COG5: variants seen among roughly 807,000 people sequenced by gnomAD.
The protein encoded by COG5 is component of oligomeric golgi complex 5.
A neutral mutation model predicts 110.4 loss-of-function variants in COG5; 86 were observed. The ratio of observed to expected loss-of-function variants is 0.78; its 90% CI spans 0.65 to 0.93. COG5 has a LOEUF of 0.93. COG5 is among the 40% of genes least tolerant of loss of function. The pLI, the probability that COG5 is intolerant of heterozygous loss-of-function variation, is 0.00. For missense variants in COG5, 1,077 were observed against 987.0 expected (o/e 1.09, Z -1.22); for synonymous variants, 360 against 334.6 (o/e 1.08, Z -0.83).
chr7:107,314,526 G>A (rs910473277), intron 11 of COG5, among the ~76,000 whole-genome samples: 6 of 149,458 alleles, frequency 4.0e-5, no homozygotes, highest in Admixed American at 1.3e-4. Context: ...GGCAGATCAC[G>A]AGGTCAGGAG....
Position 107,520,241 on chromosome 7 carries a change from A to G in COG5, c.538+6996T>C, listed in dbSNP as rs532388387. Among the ~76,000 whole-genome samples the G allele has an allele frequency of 1.2e-4, 19 of 152,306 alleles. No homozygotes were observed. In the East Asian group the frequency reaches 3.7e-3, roughly 29 times the overall value. On this transcript the variant is annotated intron_variant, in intron 6 of 21. Transcript: ENST00000297135. The stretch of plus-strand genomic sequence containing the variant: ...TTCCCTTTGAAAACAGGCACAAGAC[A>G]AGGATGCCCTCTCTCACCTCTCCTA...
At chr7:107,558,887 C>CAA (rs1243505305) in intron 1 of COG5, among the ~76,000 whole-genome samples, 7 of 16,584 alleles carry the variant, frequency 4.2e-4, no homozygotes, top group African/African-American at 9.3e-4. Flanking sequence ...GACTCTGTCC[C>CAA]AAAAAAAAAA....
chr7:107,546,725 GA>G (rs1278979044), intron 5 of COG5, among the ~76,000 whole-genome samples: 2 of 151,800 alleles, frequency 1.3e-5, no homozygotes, highest in Non-Finnish European at 2.9e-5. Context: ...AAAATATAAA[GA>G]ATTATAAGAA....
At chr7:107,208,182 GAAGGAC>G in intron 21 of COG5, 1 of 985,384 alleles carries the variant, frequency 1.0e-6, no homozygotes, top group Middle Eastern at 5.2e-4. Flanking sequence ...TTGAAACCCT[GAAGGAC>G]AGCTCAATTT....
At chr7:107,375,925 T>C (rs1229893601) in intron 7 of COG5, among the ~76,000 whole-genome samples, 1 of 152,016 alleles carries the variant, frequency 6.6e-6, no homozygotes, top group East Asian at 1.9e-4. Flanking sequence ...TTCATAAAGT[T>C]ATCCTCCTGA....
At chr7:107,279,028 A>C (rs1804936604) in intron 14 of COG5, among the ~76,000 whole-genome samples, 1 of 152,214 alleles carries the variant, frequency 6.6e-6, no homozygotes, top group Non-Finnish European at 1.5e-5. Context: ...AAAGTTTTGC[A>C]ATCTATCCAT....
At chr7:107,488,028 ATTG>A (rs1797754306) in intron 6 of COG5, among the ~76,000 whole-genome samples, 1 of 152,122 alleles carries the variant, frequency 6.6e-6, no homozygotes, top group Non-Finnish European at 1.5e-5. Context: ...ATGAACATAT[ATTG>A]TTAATGTAAC....
intron 21 of COG5, chr7:107,208,065 G>C: frequency 1.0e-6 from 1 of 985,402 alleles, no homozygotes; most frequent in Non-Finnish European, 1.2e-6. Flanking sequence ...GCTTCAGTAT[G>C]CAAGAACAAA....
chr7:107,408,947 C>G (rs1016004182), intron 7 of COG5, among the ~76,000 whole-genome samples: 1 of 151,664 alleles, frequency 6.6e-6, no homozygotes, highest in African/African-American at 2.4e-5. Context: ...TATAATAAAC[C>G]CCTATCTACT....
At chr7:107,287,988 A>G (rs1805785987) in intron 12 of COG5, among the ~76,000 whole-genome samples, 1 of 152,196 alleles carries the variant, frequency 6.6e-6, no homozygotes, top group Admixed American at 6.5e-5. Flanking sequence ...TTGCATACAA[A>G]TGTCTACGTG....
rs1356726900 is a variant in COG5 at position 107,541,446 on chromosome 7, G to C, written c.417+6665C>G. On this transcript the variant is annotated intron_variant, in intron 5 of 21. Coordinates refer to ENST00000297135, the MANE Select transcript of COG5 (RefSeq NM_006348.5). ...TGGGAGGAAGAGATTGCAGTGGGTT[G>C]AGATCGTGCCACTGCACTCCAGCCT... 4.9e-5 allele frequency among the ~76,000 whole-genome samples: 6 copies of C among 122,370 alleles called. 1 individual carries two copies. The South Asian group carries it at 1.4e-3, about 29-fold the overall frequency. 80.3% of individuals were successfully genotyped at this position (122,370 alleles called of 152,430 possible). A position where few individuals can be genotyped will look rare whatever the true frequency, so the allele number is the denominator to read the frequency against.
intron 10 of COG5, among the ~76,000 whole-genome samples, chr7:107,356,044 C>A (rs1193683169): frequency 6.6e-6 from 1 of 152,072 alleles, no homozygotes; most frequent in Non-Finnish European, 1.5e-5. Context: ...ATTTTGTAAA[C>A]CTAAAGCTGC....
At chr7:107,467,739 T>C (rs770713469) in intron 6 of COG5, among the ~76,000 whole-genome samples, 8 of 152,204 alleles carry the variant, frequency 5.3e-5, no homozygotes, top group Non-Finnish European at 1.2e-4. Flanking sequence ...ACAGGGGAAG[T>C]TGGAATTACC....
Position 107,236,707 on chromosome 7 carries a change from C to T in COG5, c.1854-20G>A, listed in dbSNP as rs1801219456. On this transcript the variant is annotated intron_variant, in intron 17 of 21. Coordinates refer to ENST00000297135, the MANE Select transcript of COG5 (RefSeq NM_006348.5). ...AATGACCTGTAAAAGAAAAAGCAGC[C>T]CTTTTCAGCACCGCTGCACTAAATC... 1 of 1,524,528 alleles carries T rather than the reference C, an allele frequency of 6.6e-7. No individual in the cohort carries two copies. The highest frequency in any genetic ancestry group is 9.1e-7 in the Non-Finnish European group (1 of 1,098,730). 94.4% of individuals were successfully genotyped at this position (1,524,528 alleles called of 1,614,324 possible).
chr7:107,278,649 T>C (rs1562947576), intron 14 of COG5, among the ~76,000 whole-genome samples: 1 of 152,202 alleles, frequency 6.6e-6, no homozygotes, highest in Non-Finnish European at 1.5e-5. Context: ...TACAACCATC[T>C]GATCTTTCAC....
chr7:107,255,112 CA>C (rs570523349), intron 16 of COG5, among the ~76,000 whole-genome samples: 147 of 151,840 alleles, frequency 9.7e-4, no homozygotes, highest in African/African-American at 3.4e-3. Context: ...GGGTAGTTAT[CA>C]AAAAAATGTT....
intron 6 of COG5, among the ~76,000 whole-genome samples, chr7:107,469,083 C>T (rs949748915): frequency 6.7e-6 from 1 of 149,140 alleles, no homozygotes; most frequent in African/African-American, 2.5e-5. Flanking sequence ...ATATTCAGTA[C>T]TTGTACCATT....
chr7:107,346,625 T>C (rs1811628344), intron 10 of COG5, among the ~76,000 whole-genome samples: 1 of 152,182 alleles, frequency 6.6e-6, no homozygotes, highest in Non-Finnish European at 1.5e-5. Context: ...CTGTTCACAC[T>C]TTCATCTAAC....
At chr7:107,379,634 G>A (rs1814937469) in intron 7 of COG5, among the ~76,000 whole-genome samples, 1 of 148,850 alleles carries the variant, frequency 6.7e-6, no homozygotes, top group African/African-American at 2.5e-5. Context: ...TGCAATCCTA[G>A]TTTTTGATAA....
Sources: gnomAD v4.1 joint callset for allele counts (sites outside exome capture counted in the v4.1 genomes callset) on GRCh38, gnomAD v4.1.1 for gene constraint, MANE v1.5 for transcripts, NCBI Gene and HGNC (gene_info 2026-07-23, HGNC 2026-07-21) for gene names.